Variants in MARK3 observed in about 807,000 individuals in gnomAD.
MARK3 encodes microtubule affinity regulating kinase 3.
Under a neutral mutation model 90.1 loss-of-function variants are expected in MARK3, and 46 were observed. The ratio of observed to expected loss-of-function variants is 0.51; its 90% CI spans 0.40 to 0.65. The LOEUF (loss-of-function observed/expected upper bound fraction) is 0.65, where lower values mean the gene tolerates loss of function less well. MARK3 is among the 30% of genes least tolerant of loss of function. MARK3 has a pLI of 0.00. For missense variants in MARK3, 818 were observed against 947.2 expected, an observed-to-expected ratio of 0.86 and a Z score of 1.79; for synonymous variants, 321 against 332.6, an observed-to-expected ratio of 0.97 and a Z score of 0.38.
At chr14:103,500,255 T>A in intron 17 of MARK3, 55 bp downstream of exon 17, 1 of 1,301,246 alleles carries the variant, frequency 7.7e-7, no homozygotes, top group Non-Finnish European at 1.1e-6. Flanking sequence ...TTCATTTCTG[T>A]GGCAGAGGCG....
chr14:103,438,378 T>TC (rs1358007261), intron 3 of MARK3, among the ~76,000 whole-genome samples: 1 of 152,204 alleles, frequency 6.6e-6, no homozygotes, highest in East Asian at 1.9e-4. Context: ...TGTTCACTCA[T>TC]CCAGTGAATA....
intron 6 of MARK3, among the ~76,000 whole-genome samples, chr14:103,459,642 A>G (rs2093353361): frequency 6.6e-6 from 1 of 150,588 alleles, no homozygotes; most frequent in African/African-American, 2.4e-5. Flanking sequence ...TGGGATTACA[A>G]GTGTGCACCA....
At chr14:103,411,621 TTC>T (rs199556775) in intron 2 of MARK3, among the ~76,000 whole-genome samples, 2 of 152,190 alleles carry the variant, frequency 1.3e-5, no homozygotes, top group South Asian at 2.1e-4. Flanking sequence ...TCTTTTTTTT[TTC>T]TCTCTCTCTT....
chr14:103,465,512 C>G (rs777001592), intron 7 of MARK3, 45 bp from the exon 8 acceptor site: 3 of 1,352,848 alleles, frequency 2.2e-6, no homozygotes, highest in Non-Finnish European at 3.2e-6. Flanking sequence ...AATTCTAATT[C>G]TATTTTGGCT....
rs1555395510 is a variant in MARK3 at position 103,468,314 on chromosome 14, C to CTTCTTT, written c.1264+130_1264+131insCTTTTT. 2.1e-3 allele frequency: 242 copies of CTTCTTT among 116,170 alleles called. 19 individuals are homozygous for CTTCTTT. The highest frequency in any genetic ancestry group is 8.8e-3 in the African/African-American group (154 of 17,594). 7.2% of individuals were successfully genotyped at this position (116,170 alleles called of 1,614,324 possible). On this transcript the variant is annotated intron_variant, in intron 12 of 17. Transcript: ENST00000429436. Reference sequence around the variant, plus strand: ...CTTGGCATTGCTTTCTTTCTTTCTTCTTTTTTTTTTTTTTTTTTTTTTTTT... The same window carrying CTTCTTT: ...CTTGGCATTGCTTTCTTTCTTTCTTCTTCTTTTTTTTTTTTTTTTTTTTTTTTTTTT...
rs1595936423 is a variant in MARK3 at position 103,493,892 on chromosome 14, A to G, written c.1844+1858A>G. On this transcript the variant is annotated intron_variant, in intron 15 of 17. Coordinates refer to ENST00000429436, the MANE Select transcript of MARK3 (RefSeq NM_001128918.3). ...TGTGTCTCAAAAAAAAAAAAAAAAA[A>G]ACTTTGAGTTTATTTTTCTTCTTTG... is the stretch of plus-strand genomic sequence containing the variant. Among the ~76,000 whole-genome samples the G allele has an allele frequency of 4.6e-5, 7 of 151,226 alleles. No individual in the cohort carries two copies. The South Asian group carries it at 1.5e-3, about 32-fold the overall frequency.
intron 1 of MARK3, among the ~76,000 whole-genome samples, chr14:103,393,581 A>G (rs568196173): frequency 6.6e-6 from 1 of 152,310 alleles, no homozygotes; most frequent in Admixed American, 6.5e-5. Context: ...GTAAAGGTTG[A>G]AATTTGCAGT....
In MARK3 at chr14:103,408,708, G is replaced by T. The variant is rs541139860; in HGVS notation, c.243+3441G>T. On this transcript the variant is annotated intron_variant, in intron 2 of 17. Coordinates refer to ENST00000429436, the MANE Select transcript of MARK3 (RefSeq NM_001128918.3). ...TGCCCTGTAAATATTTTCATTTCCT[G>T]TGTGTGCGGAGACTTGGAAAAGGTT... Among the ~76,000 whole-genome samples the T allele has an allele frequency of 4.6e-5, 7 of 152,272 alleles. No homozygotes were observed. The South Asian group carries it at 1.5e-3, about 32-fold the overall frequency.
chr14:103,390,739 C>T (rs186828748), intron 1 of MARK3, among the ~76,000 whole-genome samples: 341 of 152,284 alleles, frequency 2.2e-3, no homozygotes, highest in Non-Finnish European at 2.1e-3. Flanking sequence ...GACAGTATCT[C>T]GCTCTGTCAC....
At chr14:103,486,900 A>G (rs1413096399) in intron 14 of MARK3, among the ~76,000 whole-genome samples, 2 of 135,154 alleles carry the variant, frequency 1.5e-5, no homozygotes, top group South Asian at 2.4e-4. Flanking sequence ...TAGTATGTCA[A>G]AAAGTTTATT....
At chr14:103,485,962 A>G (rs534110218) in intron 14 of MARK3, among the ~76,000 whole-genome samples, 2 of 152,280 alleles carry the variant, frequency 1.3e-5, no homozygotes, top group East Asian at 1.9e-4. Context: ...TGCAACTTGA[A>G]TTTTAAGAAA....
chr14:103,398,273 T>C (rs57276987), intron 1 of MARK3, among the ~76,000 whole-genome samples: 1 of 152,362 alleles, frequency 6.6e-6, no homozygotes, highest in East Asian at 1.9e-4. Context: ...ATTGTTCTTC[T>C]AGATGGCTGC....
chr14:103,468,133 A>G lies in MARK3; in HGVS notation c.1211A>G (p.Lys404Arg). Residue 404 changes from lysine to arginine, a missense_variant, in exon 12 of 18, where the codon AAA (lysine) becomes AGA (arginine). By Grantham distance (26) the Lys-to-Arg change is conservative. This residue lies in a region of MARK3 where 560 missense variants were observed against 613.5 expected (regional missense o/e 0.91). Coordinates refer to ENST00000429436, the MANE Select transcript of MARK3 (RefSeq NM_001128918.3). ...AGTACTGGCCAGTCTCCTCACCACA[A>G]AGTGCAGAGAAGTGTTTCTTCAAGC... Reference protein sequence around the residue: ...NNSTGQSPHHKVQRSVSSSQK... With the variant: ...NNSTGQSPHHRVQRSVSSSQK... The G allele has an allele frequency of 6.2e-7, 1 of 1,613,782 alleles. No homozygotes were observed. The highest frequency in any genetic ancestry group is 8.5e-7 in the Non-Finnish European group (1 of 1,179,878).
intron 7 of MARK3, among the ~76,000 whole-genome samples, chr14:103,464,204 A>G (rs1349209287): frequency 6.6e-6 from 1 of 150,880 alleles, no homozygotes. Context: ...TGTCTTGTTC[A>G]TCATTATCCA....
chr14:103,387,988 G>A (rs542524253), intron 1 of MARK3, among the ~76,000 whole-genome samples: 1 of 152,184 alleles, frequency 6.6e-6, no homozygotes, highest in South Asian at 2.1e-4. Context: ...CTGGAGTGCC[G>A]TGGCATGATC....
At chr14:103,412,390 G>A in intron 2 of MARK3, 1 of 614,086 alleles carries the variant, frequency 1.6e-6, no homozygotes, top group Non-Finnish European at 2.9e-6. Flanking sequence ...CCTTTGTTAG[G>A]CCTATGCCGA....
At chr14:103,415,537 C>T (rs1190139670) in intron 2 of MARK3, among the ~76,000 whole-genome samples, 1 of 152,192 alleles carries the variant, frequency 6.6e-6, no homozygotes, top group Non-Finnish European at 1.5e-5. Context: ...GTTGCATCTG[C>T]TGTCTTGCTT....
At chr14:103,418,068 CAAAA>C (rs979228635) in intron 2 of MARK3, among the ~76,000 whole-genome samples, 11 of 151,994 alleles carry the variant, frequency 7.2e-5, no homozygotes, top group Non-Finnish European at 1.0e-4. Flanking sequence ...AACTCTGTCT[CAAAA>C]GAAAGAAAGC....
chr14:103,455,639 A>T (rs902577426), intron 5 of MARK3, among the ~76,000 whole-genome samples: 4 of 151,042 alleles, frequency 2.6e-5, no homozygotes, highest in Middle Eastern at 3.2e-3. Context: ...GAGGCACGAG[A>T]ATTGCTTGAA....
Sources: gnomAD v4.1 joint callset for allele counts (sites outside exome capture counted in the v4.1 genomes callset) on GRCh38, gnomAD v4.1.1 for gene constraint, gnomAD v4.1.1 regional missense constraint, MANE v1.5 for transcripts, NCBI Gene and HGNC (gene_info 2026-07-23, HGNC 2026-07-21) for gene names.